NELL1: variants seen among roughly 807,000 people sequenced by gnomAD.
NELL1 encodes neural EGFL like 1, also known as protein kinase C-binding protein NELL1.
A neutral mutation model predicts 107.4 loss-of-function variants in NELL1; 76 were observed. That is an observed-to-expected ratio of 0.71 (90% CI 0.59 to 0.86). The LOEUF (loss-of-function observed/expected upper bound fraction) is 0.86, where lower values mean the gene tolerates loss of function less well. Ranked by LOEUF, NELL1 falls within the 40% of genes least tolerant of loss-of-function variation. NELL1 has a pLI of 0.00. For synonymous variants in NELL1, 353 were observed against 341.2 expected (o/e 1.03, Z -0.38); for missense variants, 1,024 against 1,005.5 (o/e 1.02, Z -0.25).
intron 15 of NELL1, among the ~76,000 whole-genome samples, chr11:21,424,102 G>T (rs760587335): frequency 1.3e-5 from 2 of 151,964 alleles, no homozygotes; most frequent in African/African-American, 4.8e-5. Context: ...CTAGCAAAAG[G>T]ATGAAAATAA....
At chr11:21,455,035 G>A (rs73461291) in intron 15 of NELL1, among the ~76,000 whole-genome samples, 1 of 152,138 alleles carries the variant, frequency 6.6e-6, no homozygotes, top group South Asian at 2.1e-4. Flanking sequence ...TTTATTCTGT[G>A]TGAAGAACTT....
intron 13 of NELL1, among the ~76,000 whole-genome samples, chr11:21,118,579 T>C (rs191661795): frequency 4.6e-5 from 7 of 152,236 alleles, no homozygotes; most frequent in Admixed American, 6.5e-5. Flanking sequence ...CACTATAAAA[T>C]GTCTTTTCAA....
At chr11:20,898,021 AG>A (rs1348760031) in intron 5 of NELL1, among the ~76,000 whole-genome samples, 1 of 152,200 alleles carries the variant, frequency 6.6e-6, no homozygotes, top group Non-Finnish European at 1.5e-5. Flanking sequence ...GTGATTCCTC[AG>A]GGATCTAGAA....
intron 13 of NELL1, among the ~76,000 whole-genome samples, chr11:21,127,872 T>C (rs1855522148): frequency 6.6e-6 from 1 of 152,260 alleles, no homozygotes; most frequent in Non-Finnish European, 1.5e-5. Flanking sequence ...TTCTCTCATA[T>C]GGACATCTTA....
chr11:21,334,826 G>A (rs1428443855), intron 14 of NELL1, among the ~76,000 whole-genome samples: 1 of 151,922 alleles, frequency 6.6e-6, no homozygotes, highest in Non-Finnish European at 1.5e-5. Flanking sequence ...ATGTCAATAT[G>A]CTGTATCTGC....
At chr11:21,514,786 A>G (rs944784267) in intron 15 of NELL1, among the ~76,000 whole-genome samples, 1 of 149,632 alleles carries the variant, frequency 6.7e-6, no homozygotes, top group African/African-American at 2.6e-5. Context: ...TCTTTGTGAC[A>G]AGAAAGCCCT....
intron 2 of NELL1, among the ~76,000 whole-genome samples, chr11:20,681,217 C>G (rs1196670981): frequency 6.6e-6 from 1 of 152,114 alleles, no homozygotes; most frequent in Non-Finnish European, 1.5e-5. Flanking sequence ...TTTTGCTTAA[C>G]AGCTCTTCTC....
At chr11:20,742,420 A>G (rs993721792) in intron 2 of NELL1, among the ~76,000 whole-genome samples, 1 of 152,106 alleles carries the variant, frequency 6.6e-6, no homozygotes, top group African/African-American at 2.4e-5. Flanking sequence ...GGGTCTACTC[A>G]TTACCTCCCC....
chr11:21,055,963 T>G (rs757149448), intron 12 of NELL1, among the ~76,000 whole-genome samples: 4 of 152,188 alleles, frequency 2.6e-5, no homozygotes, highest in Non-Finnish European at 4.4e-5. Context: ...TATTATAATA[T>G]CTAGGTCAAT....
intron 2 of NELL1, among the ~76,000 whole-genome samples, chr11:20,783,028 T>C (rs899686569): frequency 6.6e-6 from 1 of 152,250 alleles, no homozygotes; most frequent in African/African-American, 2.4e-5. Context: ...ATCCATTGCA[T>C]GCTTATGGAG....
intron 14 of NELL1, among the ~76,000 whole-genome samples, chr11:21,358,489 C>G (rs533865947): frequency 6.6e-6 from 1 of 151,684 alleles, no homozygotes; most frequent in East Asian, 1.9e-4. Context: ...AACCTCTGCT[C>G]CCAGGTTCAA....
chr11:20,669,590 G>C lies in NELL1; in HGVS notation c.-134G>C, dbSNP rs1349000402. 6 of 659,324 alleles carry C rather than the reference G, an allele frequency of 9.1e-6. No individual in the cohort carries two copies. Among genetic ancestry groups the C allele is most frequent in the South Asian group, 3.7e-5 (2 of 54,670 alleles). The allele number at this position is 659,324 out of a possible 1,614,324, so 40.8% of individuals were successfully genotyped here. ...GGGCGCATATGCGAGCGCAGCACCC[G>C]GCGCTGCCGAGCCACCTCCCCCGCC... On this transcript the variant is annotated 5_prime_UTR_variant, in exon 1 of 20. Transcript: ENST00000357134. The surrounding 1 kb of genome is among the most constrained non-coding windows in gnomAD (Gnocchi z 4.4).
chr11:20,805,669 A>AT (rs1296405622), intron 3 of NELL1, among the ~76,000 whole-genome samples: 1 of 152,012 alleles, frequency 6.6e-6, no homozygotes, highest in Non-Finnish European at 1.5e-5. Context: ...TGCCCAGCTA[A>AT]TTTTTTGTAT....
chr11:20,734,611 G>A (rs1855719562), intron 2 of NELL1, among the ~76,000 whole-genome samples: 1 of 152,178 alleles, frequency 6.6e-6, no homozygotes, highest in African/African-American at 2.4e-5. Context: ...TATTACCATT[G>A]GAAAGACTAG....
At chr11:20,715,812 G>C (rs995562700) in intron 2 of NELL1, among the ~76,000 whole-genome samples, 17 of 152,194 alleles carry the variant, frequency 1.1e-4, no homozygotes, top group African/African-American at 4.1e-4. Flanking sequence ...AAGAACATCT[G>C]AATTAACCAT....
chr11:21,307,474 G>T lies in NELL1; in HGVS notation c.1550-63379G>T, dbSNP rs180753921. The stretch of plus-strand genomic sequence containing the variant: ...CCAAACACACACCTACATATTTACC[G>T]GTACACTCACACACAGGAAAATACC... On this transcript the variant is annotated intron_variant, in intron 14 of 19. Transcript: ENST00000357134. 8.6e-5 allele frequency among the ~76,000 whole-genome samples: 13 copies of T among 151,832 alleles called. No individual in the cohort carries two copies. The East Asian group carries it at 2.5e-3, about 30-fold the overall frequency.
intron 14 of NELL1, among the ~76,000 whole-genome samples, chr11:21,261,749 A>C (rs1288991074): frequency 6.6e-6 from 1 of 151,906 alleles, no homozygotes; most frequent in Non-Finnish European, 1.5e-5. Flanking sequence ...TGTAATTTCA[A>C]GTCTCTACAT....
chr11:21,049,912 A>T (rs60792131), intron 12 of NELL1, among the ~76,000 whole-genome samples: 644 of 148,334 alleles, frequency 4.3e-3, no homozygotes, highest in African/African-American at 0.016. Context: ...TCCTGACTTC[A>T]GGTTAATTAA....
rs573101487 is a variant in NELL1, at chr11:20,786,737, G to A, written c.335+2907G>A. Among the ~76,000 whole-genome samples, 48 of 151,992 alleles carry A rather than the reference G, an allele frequency of 3.2e-4. No homozygotes were observed. The South Asian group carries it at 4.0e-3, about 13-fold the overall frequency. ...TTAAAAAGCTTTAGAGGCCAGGCGCGGTGGTTTACACCTGTAATCCCAGCA... is the reference window on the plus strand; with the variant it reads ...TTAAAAAGCTTTAGAGGCCAGGCGCAGTGGTTTACACCTGTAATCCCAGCA... On this transcript the variant is annotated intron_variant, in intron 3 of 19. Coordinates refer to ENST00000357134, the MANE Select transcript of NELL1 (RefSeq NM_006157.5).
Sources: gnomAD v4.1 joint callset for allele counts (sites outside exome capture counted in the v4.1 genomes callset) on GRCh38, gnomAD v4.1.1 for gene constraint, Gnocchi (gnomAD v3.1) non-coding constraint, MANE v1.5 for transcripts, NCBI Gene and HGNC (gene_info 2026-07-23, HGNC 2026-07-21) for gene names.